Variants in ABL1 observed in about 807,000 individuals in gnomAD.
The protein encoded by ABL1 is ABL proto-oncogene 1, non-receptor tyrosine kinase.
In ABL1, 11 loss-of-function variants were observed where a neutral mutation model predicts 94.7. That is an observed-to-expected ratio of 0.12 (90% confidence interval 0.07 to 0.19). The LOEUF (loss-of-function observed/expected upper bound fraction) is 0.19. Ranked by LOEUF, ABL1 falls within the 10% of genes least tolerant of loss-of-function variation. ABL1 has a pLI of 1.00. For missense variants in ABL1, 1,082 were observed against 1,489.4 expected, an observed-to-expected ratio of 0.73 and a Z score of 4.50; for synonymous variants, 656 against 622.4, an observed-to-expected ratio of 1.05 and a Z score of -0.80.
intron 1 of ABL1, among the ~76,000 whole-genome samples, chr9:130,760,970 C>T (rs544833576): frequency 4.8e-5 from 4 of 83,408 alleles, no homozygotes; most frequent in Admixed American, 3.5e-4. Context: ...TTTTTTGAGA[C>T]GGAGTCTCGC....
At chr9:130,865,457 G>A (rs1299016007) in intron 4 of ABL1, among the ~76,000 whole-genome samples, 1 of 152,164 alleles carries the variant, frequency 6.6e-6, no homozygotes, top group African/African-American at 2.4e-5. Flanking sequence ...TGCTATAGAA[G>A]CTGAAATTGC....
At chr9:130,808,250 T>TTC (rs1564296123) in intron 1 of ABL1, among the ~76,000 whole-genome samples, 81 of 114,376 alleles carry the variant, frequency 7.1e-4, no homozygotes, top group Middle Eastern at 6.3e-3. Context: ...TCTTCTTCTT[T>TTC]TTTTTTTTTT....
At chr9:130,798,704 C>T (rs1467962443) in intron 1 of ABL1, among the ~76,000 whole-genome samples, 1 of 152,110 alleles carries the variant, frequency 6.6e-6, no homozygotes, top group Non-Finnish European at 1.5e-5. Flanking sequence ...CATGGTGACT[C>T]ACGCCTGTAA....
At chr9:130,786,419 C>G (rs1240542313) in intron 1 of ABL1, among the ~76,000 whole-genome samples, 1 of 152,118 alleles carries the variant, frequency 6.6e-6, no homozygotes, top group African/African-American at 2.4e-5. Flanking sequence ...TAATGGATGC[C>G]AAATAGATGA....
chr9:130,750,186 AAAATAC>A (rs1831937393), intron 1 of ABL1, among the ~76,000 whole-genome samples: 1 of 115,990 alleles, frequency 8.6e-6, no homozygotes, highest in East Asian at 2.5e-4. Context: ...CAAGAAAAAA[AAAATAC>A]ATATATATAT....
At chr9:130,742,039 A>ACC (rs1831826731) in intron 1 of ABL1, among the ~76,000 whole-genome samples, 1 of 152,048 alleles carries the variant, frequency 6.6e-6, no homozygotes, top group Non-Finnish European at 1.5e-5. Context: ...AGAGAAGGGA[A>ACC]CCTAGCCTTG....
At chr9:130,716,072 C>CTTTTTTTTTTTTTTTTTTTTTTTTTT (rs71389339) in intron 1 of ABL1, among the ~76,000 whole-genome samples, 1 of 91,186 alleles carries the variant, frequency 1.1e-5, no homozygotes, top group Non-Finnish European at 2.3e-5. Context: ...GAAAAATGTC[C>CTTTTTTTTTTTTTTTTTTTTTTTTTT]TTTTTTTTTT....
intron 1 of ABL1, among the ~76,000 whole-genome samples, chr9:130,743,885 A>G (rs749642344): frequency 1.3e-5 from 2 of 152,034 alleles, no homozygotes; most frequent in African/African-American, 4.8e-5. Context: ...GTAAAGAGGT[A>G]GGGGAGGTGG....
intron 1 of ABL1, among the ~76,000 whole-genome samples, chr9:130,733,782 G>A (rs1176543988): frequency 3.3e-5 from 5 of 151,924 alleles, no homozygotes; most frequent in Non-Finnish European, 7.4e-5. Context: ...AGTAGAGATG[G>A]GGTTTCACCA....
At chr9:130,736,981 C>T (rs538645483) in intron 1 of ABL1, among the ~76,000 whole-genome samples, 2 of 152,288 alleles carry the variant, frequency 1.3e-5, no homozygotes, top group African/African-American at 4.8e-5. Context: ...TGCCCTATTC[C>T]AAGCTCCAGA....
chr9:130,734,458 G>T (rs747033521), intron 1 of ABL1, among the ~76,000 whole-genome samples: 15 of 150,762 alleles, frequency 9.9e-5, no homozygotes, highest in Admixed American at 4.0e-4. Context: ...CTCGTGATCC[G>T]CCCGCCTTGG....
chr9:130,845,090 G>A (rs903519799), intron 1 of ABL1, among the ~76,000 whole-genome samples: 3 of 152,200 alleles, frequency 2.0e-5, no homozygotes, highest in African/African-American at 7.2e-5. Context: ...GGATAAATTA[G>A]TGAGAGGTCC....
intron 1 of ABL1, among the ~76,000 whole-genome samples, chr9:130,801,964 T>C (rs905036594): frequency 1.3e-5 from 2 of 152,206 alleles, no homozygotes; most frequent in African/African-American, 4.8e-5. Flanking sequence ...GGGCAGTTTT[T>C]GGCTCTTGTT....
At position 130,758,167 on chromosome 9, in the gene ABL1, T is replaced by C. The variant is rs570575069; in HGVS notation, c.136+43712T>C. Among the ~76,000 whole-genome samples the C allele has an allele frequency of 3.3e-5, 5 of 152,006 alleles. No individual in the cohort carries two copies. In the East Asian group the frequency reaches 9.7e-4, roughly 29 times the overall value. On this transcript the variant is annotated intron_variant, in intron 1 of 10. Coordinates refer to the ABL1 transcript ENST00000372348. ...TGCAGAGTGGCTAAGATTTTTTTTT[T>C]TTTTCTTTTTTGAGACAGAGTCTCG...
Position 130,862,051 on chromosome 9 carries a change from T to C in ABL1, c.550-712T>C, listed in dbSNP as rs751815426. 3.9e-5 allele frequency among the ~76,000 whole-genome samples: 6 copies of C among 152,226 alleles called. No individual in the cohort carries two copies. Among genetic ancestry groups the C allele is most frequent in the Non-Finnish European group, 8.8e-5 (6 of 68,040 alleles). On this transcript the variant is annotated intron_variant, in intron 3 of 10. Transcript: ENST00000318560. This position sits in a 1 kb window ranked among gnomAD's most constrained non-coding sequence, Gnocchi z 5.5. ...GCTCTTGTGTCGTAAATCCTTCCTT[T>C]TGCTTCCTCGTGTTGGATGTGTTTA...
intron 1 of ABL1, among the ~76,000 whole-genome samples, chr9:130,731,173 GTTTT>G (rs1296712019): frequency 6.6e-6 from 1 of 150,544 alleles, no homozygotes; most frequent in Non-Finnish European, 1.5e-5. Flanking sequence ...TGCCCAGCTA[GTTTT>G]TGTGTTTTTA....
At chr9:130,840,693 TA>T (rs1162702277) in intron 1 of ABL1, among the ~76,000 whole-genome samples, 3 of 151,822 alleles carry the variant, frequency 2.0e-5, no homozygotes, top group Non-Finnish European at 4.4e-5. Flanking sequence ...CTTTTTTAAT[TA>T]AAAAAAATAG....
intron 1 of ABL1, among the ~76,000 whole-genome samples, chr9:130,824,600 G>C (rs1461447795): frequency 1.3e-5 from 2 of 152,178 alleles, no homozygotes; most frequent in Non-Finnish European, 2.9e-5. Context: ...TGATTTTGGT[G>C]TTGCTGTAAA....
chr9:130,770,163 C>T (rs1832235134), intron 1 of ABL1, among the ~76,000 whole-genome samples: 1 of 47,940 alleles, frequency 2.1e-5, no homozygotes, highest in African/African-American at 1.1e-4. Context: ...CCAGTTGTCT[C>T]TCTCTCTGTC....
Sources: allele counts gnomAD v4.1 joint callset (sites outside exome capture counted in the v4.1 genomes callset), GRCh38; gene constraint gnomAD v4.1.1; non-coding constraint Gnocchi (gnomAD v3.1); transcripts MANE v1.5; gene names NCBI Gene and HGNC (gene_info 2026-07-23, HGNC 2026-07-21).